PTPDC1: variants seen among roughly 807,000 people sequenced by gnomAD.
PTPDC1 encodes protein tyrosine phosphatase domain-containing protein 1.
PTPDC1 carries 53 observed loss-of-function variants against 75.3 expected under a neutral mutation model. The observed-to-expected ratio is 0.70, with a 90% CI of 0.56 to 0.88. The LOEUF (loss-of-function observed/expected upper bound fraction) is 0.88, where lower values mean the gene tolerates loss of function less well. Ranked by LOEUF, PTPDC1 falls within the 40% of genes least tolerant of loss-of-function variation. The pLI is 0.00. For missense variants in PTPDC1, 925 were observed against 998.6 expected (o/e 0.93, Z 0.99); for synonymous variants, 349 against 366.2 (o/e 0.95, Z 0.54).
intron 1 of PTPDC1, among the ~76,000 whole-genome samples, chr9:94,059,389 TTAAC>T (rs962191124): frequency 1.3e-5 from 2 of 152,232 alleles, no homozygotes; most frequent in African/African-American, 4.8e-5. Flanking sequence ...GTAGTGTAAG[TTAAC>T]TAATTTACAT....
intron 1 of PTPDC1, among the ~76,000 whole-genome samples, chr9:94,034,144 C>T (rs945642304): frequency 6.6e-6 from 1 of 152,154 alleles, no homozygotes; most frequent in Non-Finnish European, 1.5e-5. Context: ...AAAATATGTT[C>T]CTCACTGAGT....
intron 2 of PTPDC1, among the ~76,000 whole-genome samples, chr9:94,076,790 C>G (rs1322440045): frequency 6.6e-6 from 1 of 152,120 alleles, no homozygotes; most frequent in Non-Finnish European, 1.5e-5. Context: ...ATTTTATTTA[C>G]CCACCAGCAG....
chr9:94,093,879 C>T (rs1170139964), intron 4 of PTPDC1, among the ~76,000 whole-genome samples: 1 of 150,132 alleles, frequency 6.7e-6, no homozygotes, highest in Non-Finnish European at 1.5e-5. Flanking sequence ...ATCGCATCGG[C>T]TCCTGAGGCT....
At chr9:94,093,877 G>T (rs941192217) in intron 4 of PTPDC1, among the ~76,000 whole-genome samples, 5 of 148,466 alleles carry the variant, frequency 3.4e-5, no homozygotes, top group African/African-American at 1.2e-4. Flanking sequence ...TGATCGCATC[G>T]GCTCCTGAGG....
intron 1 of PTPDC1, among the ~76,000 whole-genome samples, chr9:94,057,886 A>T (rs1394552606): frequency 6.6e-6 from 1 of 152,224 alleles, no homozygotes; most frequent in African/African-American, 2.4e-5. Context: ...TTTCACTTCC[A>T]ACCAAGATGA....
chr9:94,069,315 T>C (rs1412505813), intron 2 of PTPDC1, among the ~76,000 whole-genome samples: 1 of 152,144 alleles, frequency 6.6e-6, no homozygotes. Flanking sequence ...CCATGCATAC[T>C]CAAGTCTCAC....
chr9:94,062,740 A>T (rs1488304635), intron 1 of PTPDC1, among the ~76,000 whole-genome samples: 1 of 152,194 alleles, frequency 6.6e-6, no homozygotes, highest in Non-Finnish European at 1.5e-5. Flanking sequence ...TGATCCAGTC[A>T]TCTCCCACAG....
upstream of PTPDC1, among the ~76,000 whole-genome samples, chr9:94,083,234 G>A (rs999393366): frequency 2.6e-5 from 4 of 152,164 alleles, no homozygotes; most frequent in African/African-American, 7.2e-5. Context: ...AGGGTCCTGA[G>A]GGCCTTGCCT....
Position 94,055,248 on chromosome 9 carries a change from T to C in PTPDC1, c.-6-9486T>C, listed in dbSNP as rs943658817. 1.3e-4 allele frequency among the ~76,000 whole-genome samples: 20 copies of C among 152,166 alleles called. No homozygotes were observed. In the South Asian group the frequency reaches 3.3e-3, roughly 25 times the overall value. On this transcript the variant is annotated intron_variant, in intron 1 of 9. Coordinates refer to the PTPDC1 transcript ENST00000375360. ...AACTGTGTAACTTTAGGCAAATTATTTGACTTTTCTTTGTCTTAGTTTCCT... is the reference window on the plus strand; with the variant it reads ...AACTGTGTAACTTTAGGCAAATTATCTGACTTTTCTTTGTCTTAGTTTCCT...
chr9:94,087,933 C>T, intron 3 of PTPDC1, 22 bp downstream of exon 3: 2 of 1,588,884 alleles, frequency 1.3e-6, no homozygotes, highest in Non-Finnish European at 1.7e-6. Context: ...ATTGTTCACA[C>T]ACGAGTGAGC....
intron 8 of PTPDC1, among the ~76,000 whole-genome samples, chr9:94,106,443 C>T (rs1828027334): frequency 6.6e-6 from 1 of 152,232 alleles, no homozygotes; most frequent in Non-Finnish European, 1.5e-5. Flanking sequence ...AAGCTTGGGG[C>T]TCCTCAGCTA....
chr9:94,094,225 G>A (rs528805694), intron 4 of PTPDC1, among the ~76,000 whole-genome samples: 1 of 151,928 alleles, frequency 6.6e-6, no homozygotes, highest in South Asian at 2.1e-4. Flanking sequence ...TCTACTTTTG[G>A]TCTTTGATGA....
chr9:94,088,689 T>A (rs1291231571), intron 4 of PTPDC1, among the ~76,000 whole-genome samples: 1 of 152,182 alleles, frequency 6.6e-6, no homozygotes, highest in Non-Finnish European at 1.5e-5. Context: ...TTTACTGCTG[T>A]CCAGCCCTGC....
At chr9:94,102,715 G>T (rs1056970483) in intron 7 of PTPDC1, among the ~76,000 whole-genome samples, 26 of 152,080 alleles carry the variant, frequency 1.7e-4, no homozygotes, top group Non-Finnish European at 1.2e-4. Context: ...GAGTAGCTGG[G>T]ATTACAGCAT....
chr9:94,074,917 T>C (rs930075502), intron 2 of PTPDC1, among the ~76,000 whole-genome samples: 2 of 152,192 alleles, frequency 1.3e-5, no homozygotes, highest in African/African-American at 2.4e-5. Context: ...TGCACAGCTT[T>C]GTTCAGTGTC....
chr9:94,098,792 CAAGA>C, intron 6 of PTPDC1: 1 of 570,548 alleles, frequency 1.8e-6, no homozygotes, highest in Non-Finnish European at 3.1e-6. Context: ...TCTGCATACT[CAAGA>C]AAGCACTTGG....
At chr9:94,069,110 T>G (rs1475053467) in intron 2 of PTPDC1, among the ~76,000 whole-genome samples, 1 of 152,160 alleles carries the variant, frequency 6.6e-6, no homozygotes, top group African/African-American at 2.4e-5. Flanking sequence ...TTCTTTTTAG[T>G]AGGAAATATA....
intron 2 of PTPDC1, among the ~76,000 whole-genome samples, chr9:94,072,378 T>C (rs957330427): frequency 6.6e-6 from 1 of 152,182 alleles, no homozygotes; most frequent in South Asian, 2.1e-4. Context: ...GATTTTTGTA[T>C]GTTGATTTTA....
intron 4 of PTPDC1, among the ~76,000 whole-genome samples, chr9:94,094,744 G>T (rs74324484): frequency 2.0e-5 from 3 of 152,232 alleles, no homozygotes; most frequent in Non-Finnish European, 2.9e-5. Context: ...GTGGGCGTAG[G>T]ACCCTCCGAG....
Sources: allele counts gnomAD v4.1 joint callset (sites outside exome capture counted in the v4.1 genomes callset), GRCh38; gene constraint gnomAD v4.1.1; transcripts MANE v1.5; gene names NCBI Gene and HGNC (gene_info 2026-07-23, HGNC 2026-07-21).